LRRC7: variants seen among roughly 807,000 people sequenced by gnomAD.
The protein encoded by LRRC7 is leucine-rich repeat-containing protein 7.
In LRRC7, 23 loss-of-function variants were observed where a neutral mutation model predicts 175.7. The ratio of observed to expected loss-of-function variants is 0.13; its 90% CI spans 0.09 to 0.19. The LOEUF is 0.19. Ranked by LOEUF, LRRC7 falls within the 10% of genes least tolerant of loss-of-function variation. The pLI is 1.00. For missense variants in LRRC7, 1,354 were observed against 1,904.7 expected (o/e 0.71, Z 5.38); for synonymous variants, 685 against 680.9 (o/e 1.01, Z -0.09).
At chr1:69,667,553 A>C (rs1400713077) in intron 1 of LRRC7, among the ~76,000 whole-genome samples, 1 of 152,176 alleles carries the variant, frequency 6.6e-6, no homozygotes, top group East Asian at 1.9e-4. Context: ...TTATCATTAT[A>C]TAGTGACTTT....
Position 69,760,229 on chromosome 1 carries a change from G to A in LRRC7, c.139G>A (p.Gly47Ser), listed in dbSNP as rs1158759785. ...GATGACCACCAAACGGAAAATCATC[G>A]GCCGTCTGGTGCCATGCCGATGTTT... ...LEMTTKRKII[G>S]RLVPCRCFRG... Residue 47 changes from glycine to serine, a missense_variant, in exon 3 of 27, where the codon GGC (glycine) becomes AGC (serine). Gly to Ser is a moderately conservative substitution (Grantham distance 56). Around this residue, in one of 4 missense-constraint regions of LRRC7, gnomAD observed 68 missense variants for 83.4 expected, o/e 0.82. Coordinates refer to ENST00000651989, the MANE Select transcript of LRRC7 (RefSeq NM_001370785.2). 9.9e-6 allele frequency: 16 copies of A among 1,612,614 alleles called. No homozygotes were observed. Among genetic ancestry groups the A allele is most frequent in the East Asian group, 2.2e-5 (1 of 44,790 alleles).
At chr1:69,855,642 C>G (rs1312648774) in intron 7 of LRRC7, among the ~76,000 whole-genome samples, 4 of 152,000 alleles carry the variant, frequency 2.6e-5, no homozygotes, top group Non-Finnish European at 4.4e-5. Flanking sequence ...TCTATTAGGT[C>G]TGCTTGGTGC....
intron 1 of LRRC7, among the ~76,000 whole-genome samples, chr1:69,618,130 AT>A (rs202046912): frequency 2.0e-5 from 3 of 151,654 alleles, no homozygotes; most frequent in South Asian, 2.1e-4. Flanking sequence ...CACTTATCTC[AT>A]TTTTTTCCCC....
At position 69,662,563 on chromosome 1, in the gene LRRC7, C is replaced by A. The variant is rs909298202; in HGVS notation, c.3-15818C>A. Among the ~76,000 whole-genome samples the A allele has an allele frequency of 3.9e-5, 6 of 152,096 alleles. No individual in the cohort carries two copies. The South Asian group carries it at 6.2e-4, about 16-fold the overall frequency. ...TCCAACTGGACAGCACTTCACAAAT[C>A]TTTTTGTTTTGTTAAGCATTTCACT... On this transcript the variant is annotated intron_variant, in intron 1 of 26. Coordinates refer to ENST00000651989, the MANE Select transcript of LRRC7 (RefSeq NM_001370785.2).
intron 7 of LRRC7, among the ~76,000 whole-genome samples, chr1:69,911,979 A>G (rs192118388): frequency 6.6e-6 from 1 of 152,306 alleles, no homozygotes; most frequent in Non-Finnish European, 1.5e-5. Context: ...CAGTATAACA[A>G]ATCTTTACAA....
intron 7 of LRRC7, among the ~76,000 whole-genome samples, chr1:69,888,606 C>T (rs562304022): frequency 5.9e-5 from 9 of 152,174 alleles, no homozygotes; most frequent in East Asian, 5.8e-4. Flanking sequence ...AGCTGTATAC[C>T]GGAGCTGTTC....
intron 2 of LRRC7, among the ~76,000 whole-genome samples, chr1:69,741,425 A>C (rs1668697047): frequency 6.6e-6 from 1 of 151,926 alleles, no homozygotes; most frequent in Non-Finnish European, 1.5e-5. Flanking sequence ...GACGTGAAAT[A>C]GTAAGAGCAG....
intron 7 of LRRC7, chr1:69,879,456 G>T (rs1180741236): frequency 6.6e-6 from 1 of 152,146 alleles, no homozygotes; most frequent in Non-Finnish European, 1.5e-5. Context: ...CCTCTCTCGA[G>T]AAACCACATC....
Position 70,131,181 on chromosome 1 carries a change from T to A in LRRC7, c.*9294T>A, listed in dbSNP as rs1370791851. On this transcript the variant is annotated 3_prime_UTR_variant, in exon 27 of 27. Coordinates refer to ENST00000651989, the MANE Select transcript of LRRC7 (RefSeq NM_001370785.2). Reference sequence around the variant, plus strand: ...CTCCCAAACTTTTATAGAGATAGAATCTGGCCTGTTGATCTCAAAGTAGAA... The same window carrying A: ...CTCCCAAACTTTTATAGAGATAGAAACTGGCCTGTTGATCTCAAAGTAGAA... 1.3e-5 allele frequency among the ~76,000 whole-genome samples: 2 copies of A among 152,178 alleles called. No individual in the cohort carries two copies. The highest frequency in any genetic ancestry group is 2.9e-5 in the Non-Finnish European group (2 of 68,038).
intron 23 of LRRC7, among the ~76,000 whole-genome samples, chr1:70,068,655 A>T (rs1255049128): frequency 6.6e-6 from 1 of 151,954 alleles, no homozygotes; most frequent in South Asian, 2.1e-4. Flanking sequence ...TATTCGTTTC[A>T]TAAAATAAAG....
chr1:69,758,521 A>G (rs1033654043), intron 2 of LRRC7, among the ~76,000 whole-genome samples: 3 of 151,948 alleles, frequency 2.0e-5, no homozygotes, highest in African/African-American at 7.2e-5. Flanking sequence ...ACTTTTACTT[A>G]TGTTCATGGG....
At chr1:69,620,023 T>C (rs1012712820) in intron 1 of LRRC7, among the ~76,000 whole-genome samples, 10 of 152,188 alleles carry the variant, frequency 6.6e-5, no homozygotes, top group African/African-American at 2.2e-4. Context: ...TTGTGTCATA[T>C]CAAAGAAGAA....
Position 69,611,864 on chromosome 1 carries a change from C to A in LRRC7, c.2+43223C>A, listed in dbSNP as rs150809093. Among the ~76,000 whole-genome samples, 870 of 152,136 alleles carry A rather than the reference C, an allele frequency of 5.7e-3. 9 individuals are homozygous for A. The highest frequency in any genetic ancestry group is 0.02 in the African/African-American group (839 of 41,514). Reference sequence around the variant, plus strand: ...ACAACAAAGCAAAGCATCACCTTAGCCAAACTCAGCTGGAAATGTGCACAT... The same window carrying A: ...ACAACAAAGCAAAGCATCACCTTAGACAAACTCAGCTGGAAATGTGCACAT... On this transcript the variant is annotated intron_variant, in intron 1 of 26. Coordinates refer to ENST00000651989, the MANE Select transcript of LRRC7 (RefSeq NM_001370785.2).
intron 8 of LRRC7, among the ~76,000 whole-genome samples, chr1:69,947,725 A>G (rs1228952050): frequency 6.6e-6 from 1 of 152,142 alleles, no homozygotes; most frequent in Non-Finnish European, 1.5e-5. Context: ...GATATGCTTC[A>G]AAACCCACAA....
At chr1:69,895,148 C>T (rs908662444) in intron 7 of LRRC7, among the ~76,000 whole-genome samples, 1 of 152,162 alleles carries the variant, frequency 6.6e-6, no homozygotes, top group Admixed American at 6.5e-5. Context: ...AGGTGAATCG[C>T]TTGAACCCAG....
At chr1:69,705,619 G>A (rs904777843) in intron 2 of LRRC7, among the ~76,000 whole-genome samples, 4 of 152,048 alleles carry the variant, frequency 2.6e-5, no homozygotes, top group African/African-American at 4.8e-5. Context: ...AGAGAAGAGT[G>A]GTAAGTGAGG....
chr1:69,957,913 T>G (rs1488682331), intron 8 of LRRC7, among the ~76,000 whole-genome samples: 1 of 151,920 alleles, frequency 6.6e-6, no homozygotes, highest in Non-Finnish European at 1.5e-5. Context: ...AAATGAAACA[T>G]TTTTGGATAT....
At position 70,028,250 on chromosome 1, in the gene LRRC7, T is replaced by G; in HGVS notation, c.1874T>G (p.Val625Gly). 6.2e-7 allele frequency: 1 copy of G among 1,613,796 alleles called. No homozygotes were observed. The highest frequency in any genetic ancestry group is 1.1e-5 in the South Asian group (1 of 91,072). Residue 625 changes from valine (V) to glycine (G), a missense_variant, in exon 18 of 27, where the codon GTG becomes GGG. Physicochemically the swap from Val to Gly is moderately radical, Grantham distance 109 (BLOSUM62 -3). Around this residue, in one of 4 missense-constraint regions of LRRC7, gnomAD observed 1,032 missense variants for 1,227.2 expected, o/e 0.84. Coordinates refer to ENST00000651989, the MANE Select transcript of LRRC7 (RefSeq NM_001370785.2). ...KNMVKSVQNLVGKPSHGVRVE... is the reference protein window; with the variant it reads ...KNMVKSVQNLGGKPSHGVRVE... ...ATGGTAAAATCTGTTCAAAATTTGG[T>G]GGGTAAGCCAAGCCATGGAGTGCGT...
intron 1 of LRRC7, among the ~76,000 whole-genome samples, chr1:69,636,135 A>G (rs893593711): frequency 1.3e-5 from 2 of 152,048 alleles, no homozygotes; most frequent in African/African-American, 2.4e-5. Context: ...ATTCAATAGT[A>G]CCTAGGATAA....
Sources: allele counts gnomAD v4.1 joint callset (sites outside exome capture counted in the v4.1 genomes callset), GRCh38; gene constraint gnomAD v4.1.1; regional missense constraint gnomAD v4.1.1; transcripts MANE v1.5; gene names NCBI Gene and HGNC (gene_info 2026-07-23, HGNC 2026-07-21).